The following SMAP1 variants were observed in gnomAD, a reference collection of about 807,000 sequenced individuals.
The protein encoded by SMAP1 is small ArfGAP 1, also known as stromal membrane-associated protein 1.
SMAP1 carries 24 observed loss-of-function variants against 58.5 expected under a neutral mutation model. The ratio of observed to expected loss-of-function variants is 0.41; its 90% CI spans 0.30 to 0.58. SMAP1 has a LOEUF of 0.58. Among genes scored for constraint, SMAP1 ranks in the 20% least tolerant of loss-of-function variants. The probability of loss-of-function intolerance (pLI) is 0.29; values close to 1 mark genes in which losing one functional copy is unlikely to be tolerated. For missense variants in SMAP1, 563 were observed against 566.3 expected (o/e 0.99, Z 0.06); for synonymous variants, 216 against 196.6 (o/e 1.10, Z -0.82).
rs917709542 is a variant in SMAP1, at chr6:70,668,765, A to G, written c.118+624A>G. On this transcript the variant is annotated intron_variant, in intron 1 of 10. Coordinates refer to ENST00000370455, the MANE Select transcript of SMAP1 (RefSeq NM_001044305.3). ...AATTAATTGGAGAAAGGTCTTTATT[A>G]GTAGTAGTATTGTTTTTTAGTCTGG... 19 of 1,526,076 alleles carry G rather than the reference A, an allele frequency of 1.2e-5. 1 individual carries two copies. The highest frequency in any genetic ancestry group is 1.2e-4 in the East Asian group (5 of 40,862). 94.5% of individuals were successfully genotyped at this position (1,526,076 alleles called of 1,614,324 possible). A position where few individuals can be genotyped will look rare whatever the true frequency, so the allele number is the denominator to read the frequency against.
At chr6:70,718,657 T>C (rs1383065559) in intron 1 of SMAP1, among the ~76,000 whole-genome samples, 1 of 151,780 alleles carries the variant, frequency 6.6e-6, no homozygotes, top group Non-Finnish European at 1.5e-5. Context: ...CCGTCTCTGC[T>C]AAAAATACAA....
chr6:70,737,283 A>G (rs1765653037), intron 2 of SMAP1, among the ~76,000 whole-genome samples: 1 of 152,178 alleles, frequency 6.6e-6, no homozygotes, highest in Non-Finnish European at 1.5e-5. Flanking sequence ...CTGGGACTAC[A>G]GGCATGAGCC....
chr6:70,692,639 A>G (rs1333952158), intron 1 of SMAP1, among the ~76,000 whole-genome samples: 1 of 152,190 alleles, frequency 6.6e-6, no homozygotes, highest in Non-Finnish European at 1.5e-5. Flanking sequence ...GCATATTTAT[A>G]TCCAGTTTTC....
chr6:70,776,170 T>TA (rs1243453844), intron 4 of SMAP1, among the ~76,000 whole-genome samples: 1 of 152,074 alleles, frequency 6.6e-6, no homozygotes, highest in Non-Finnish European at 1.5e-5. Flanking sequence ...GAGGGACATT[T>TA]ATCATTTCTT....
At chr6:70,724,621 G>T (rs1768684837) in intron 1 of SMAP1, among the ~76,000 whole-genome samples, 1 of 152,208 alleles carries the variant, frequency 6.6e-6, no homozygotes, top group Non-Finnish European at 1.5e-5. Context: ...ATCAGCAATA[G>T]TATGTGGAAA....
intron 6 of SMAP1, among the ~76,000 whole-genome samples, chr6:70,817,923 C>T (rs976875598): frequency 2.0e-5 from 3 of 152,094 alleles, no homozygotes; most frequent in African/African-American, 7.2e-5. Context: ...AATTAGAACT[C>T]TTGTTTCATT....
chr6:70,763,132 C>CTTTTTTG (rs1766825301), intron 3 of SMAP1, among the ~76,000 whole-genome samples: 1 of 36,586 alleles, frequency 2.7e-5, no homozygotes, highest in Non-Finnish European at 6.2e-5. Context: ...TTTTTTTTTA[C>CTTTTTTG]GAATTGAATG....
At chr6:70,820,778 A>G (rs1223720565) in intron 6 of SMAP1, among the ~76,000 whole-genome samples, 1 of 152,018 alleles carries the variant, frequency 6.6e-6, no homozygotes, top group Non-Finnish European at 1.5e-5. Context: ...CATCTAAGAC[A>G]GTCTAGCAGA....
intron 1 of SMAP1, among the ~76,000 whole-genome samples, chr6:70,691,902 A>C (rs1039884988): frequency 6.6e-6 from 1 of 152,184 alleles, no homozygotes; most frequent in African/African-American, 2.4e-5. Context: ...GGCTATTGTG[A>C]ATAGTGCCAC....
At chr6:70,843,389 C>A (rs371890275) in intron 7 of SMAP1, among the ~76,000 whole-genome samples, 1 of 152,080 alleles carries the variant, frequency 6.6e-6, no homozygotes, top group Admixed American at 6.5e-5. Context: ...ATGCCAGGGG[C>A]TGTCTTGTGT....
At chr6:70,829,058 T>C (rs1770255219) in intron 6 of SMAP1, among the ~76,000 whole-genome samples, 1 of 152,070 alleles carries the variant, frequency 6.6e-6, no homozygotes, top group Non-Finnish European at 1.5e-5. Flanking sequence ...TTTGACTCTT[T>C]CCTATTTTTC....
At chr6:70,699,796 A>T (rs1158934515) in intron 1 of SMAP1, among the ~76,000 whole-genome samples, 1 of 151,864 alleles carries the variant, frequency 6.6e-6, no homozygotes, top group African/African-American at 2.4e-5. Context: ...CCTTCAAGGC[A>T]GTGGGCTCCT....
At chr6:70,736,191 A>G (rs766942882) in intron 2 of SMAP1, among the ~76,000 whole-genome samples, 12 of 152,198 alleles carry the variant, frequency 7.9e-5, no homozygotes, top group Non-Finnish European at 1.6e-4. Context: ...TTAAAAGAAA[A>G]TAGTTGTTAC....
chr6:70,800,136 A>G (rs1448842442), intron 6 of SMAP1, among the ~76,000 whole-genome samples: 2 of 152,090 alleles, frequency 1.3e-5, no homozygotes, highest in Non-Finnish European at 2.9e-5. Flanking sequence ...GAAACTTTAA[A>G]TGGGGTGTGA....
intron 6 of SMAP1, among the ~76,000 whole-genome samples, chr6:70,811,530 T>G (rs998936468): frequency 6.6e-6 from 1 of 151,970 alleles, no homozygotes; most frequent in African/African-American, 2.4e-5. Flanking sequence ...ATAGTTGTCC[T>G]TCAGTACCCG....
intron 6 of SMAP1, among the ~76,000 whole-genome samples, chr6:70,819,450 G>A (rs925522613): frequency 1.3e-5 from 2 of 152,072 alleles, no homozygotes; most frequent in Non-Finnish European, 2.9e-5. Flanking sequence ...TCATTCAAAG[G>A]ATGTTTCCTG....
intron 1 of SMAP1, among the ~76,000 whole-genome samples, chr6:70,683,141 T>A (rs927023969): frequency 1.3e-5 from 2 of 152,012 alleles, no homozygotes; most frequent in African/African-American, 4.8e-5. Flanking sequence ...TATTTTGCAT[T>A]TTCTTGATAC....
intron 6 of SMAP1, among the ~76,000 whole-genome samples, chr6:70,805,360 T>A (rs777184246): frequency 4.6e-5 from 7 of 152,218 alleles, no homozygotes; most frequent in Non-Finnish European, 8.8e-5. Flanking sequence ...TCAGGTCATT[T>A]AAGGTCTTCT....
chr6:70,684,018 G>T (rs896677137), intron 1 of SMAP1, among the ~76,000 whole-genome samples: 5 of 152,184 alleles, frequency 3.3e-5, no homozygotes, highest in African/African-American at 1.2e-4. Context: ...AGTGAGAAGG[G>T]AGGTAAATTG....
Sources: gnomAD v4.1 joint callset for allele counts (sites outside exome capture counted in the v4.1 genomes callset) on GRCh38, gnomAD v4.1.1 for gene constraint, MANE v1.5 for transcripts, NCBI Gene and HGNC (gene_info 2026-07-23, HGNC 2026-07-21) for gene names.